The following SNX29 variants were observed in gnomAD, a reference collection of about 807,000 sequenced individuals.
The protein encoded by SNX29 is sorting nexin-29.
SNX29 carries 78 observed loss-of-function variants against 102.1 expected under a neutral mutation model. That is an observed-to-expected ratio of 0.76 (90% confidence interval 0.64 to 0.92). The LOEUF (loss-of-function observed/expected upper bound fraction) is 0.92, where lower values mean the gene tolerates loss of function less well. Among genes scored for constraint, SNX29 ranks in the 40% least tolerant of loss-of-function variants. The pLI is 0.00. For missense variants in SNX29, 1,280 were observed against 1,061.7 expected, an observed-to-expected ratio of 1.21 and a Z score of -2.86; for synonymous variants, 580 against 414.5, an observed-to-expected ratio of 1.40 and a Z score of -4.85.
intron 16 of SNX29, among the ~76,000 whole-genome samples, chr16:12,362,461 T>C (rs1243260252): frequency 6.6e-6 from 1 of 151,680 alleles, no homozygotes; most frequent in Non-Finnish European, 1.5e-5. Flanking sequence ...GGTCACGATG[T>C]AGTTCCAACA....
intron 1 of SNX29, among the ~76,000 whole-genome samples, chr16:11,981,154 G>C (rs2055404861): frequency 6.6e-6 from 1 of 152,018 alleles, no homozygotes; most frequent in Non-Finnish European, 1.5e-5. Context: ...TGTTTCAGTA[G>C]AGATGGGGTT....
At chr16:12,554,051 C>G (rs184686451) in intron 20 of SNX29, among the ~76,000 whole-genome samples, 1 of 152,214 alleles carries the variant, frequency 6.6e-6, no homozygotes, top group Non-Finnish European at 1.5e-5. Context: ...GTCTGTAAAT[C>G]CTGACCTCAA....
intron 20 of SNX29, among the ~76,000 whole-genome samples, chr16:12,533,312 C>T (rs8061662): frequency 0.064 from 9,761 of 152,284 alleles, 405 homozygotes; most frequent in African/African-American, 0.11. Flanking sequence ...AGTCACTGTT[C>T]GTGGGCTGGT....
At chr16:12,159,644 G>A (rs2055698930) in intron 13 of SNX29, among the ~76,000 whole-genome samples, 1 of 152,140 alleles carries the variant, frequency 6.6e-6, no homozygotes, top group South Asian at 2.1e-4. Flanking sequence ...AGAATCACTT[G>A]AGCCCAGAAG....
intron 15 of SNX29, among the ~76,000 whole-genome samples, chr16:12,329,893 G>A (rs1353278757): frequency 6.6e-6 from 1 of 152,082 alleles, no homozygotes; most frequent in Non-Finnish European, 1.5e-5. Flanking sequence ...GGACTAAGAC[G>A]CGTTAACAGT....
chr16:12,111,470 A>G (rs1360418831), intron 11 of SNX29, among the ~76,000 whole-genome samples: 1 of 152,144 alleles, frequency 6.6e-6, no homozygotes, highest in African/African-American at 2.4e-5. Context: ...GACTTGAGGC[A>G]GGCTCCTCCT....
chr16:12,354,571 T>C (rs1207616151), intron 15 of SNX29, among the ~76,000 whole-genome samples: 1 of 152,212 alleles, frequency 6.6e-6, no homozygotes, highest in Non-Finnish European at 1.5e-5. Context: ...GGCAGTGGCA[T>C]TTATTTAAGG....
At chr16:12,192,355 C>T (rs186924508) in intron 13 of SNX29, among the ~76,000 whole-genome samples, 111 of 152,276 alleles carry the variant, frequency 7.3e-4, no homozygotes, top group Non-Finnish European at 1.4e-3. Context: ...TCCATGTGCA[C>T]GGCTACCTCT....
intron 19 of SNX29, among the ~76,000 whole-genome samples, chr16:12,512,900 C>T (rs574406985): frequency 2.6e-5 from 4 of 152,262 alleles, no homozygotes; most frequent in Admixed American, 2.6e-4. Context: ...CTCCCTCCTT[C>T]CCAGTCCGTC....
intron 18 of SNX29, among the ~76,000 whole-genome samples, chr16:12,437,168 G>A (rs1014012239): frequency 1.3e-5 from 2 of 152,244 alleles, no homozygotes; most frequent in Admixed American, 1.3e-4. Flanking sequence ...TAATTTTTCA[G>A]GGTAGCCCAA....
intron 14 of SNX29, among the ~76,000 whole-genome samples, chr16:12,236,165 T>G (rs1489072407): frequency 6.6e-6 from 1 of 152,168 alleles, no homozygotes; most frequent in Non-Finnish European, 1.5e-5. Context: ...GACATAAATC[T>G]CATCAAATAC....
chr16:12,179,368 C>T (rs1268503799), intron 13 of SNX29, among the ~76,000 whole-genome samples: 1 of 152,172 alleles, frequency 6.6e-6, no homozygotes, highest in East Asian at 1.9e-4. Context: ...ACCTGTAGGC[C>T]TAGCTACTCG....
At chr16:12,354,695 G>A (rs1278469076) in intron 15 of SNX29, among the ~76,000 whole-genome samples, 1 of 152,172 alleles carries the variant, frequency 6.6e-6, no homozygotes, top group Non-Finnish European at 1.5e-5. Context: ...CTCGTGGGGG[G>A]TTTATGTGAT....
At chr16:12,013,206 G>C (rs377592268) in intron 3 of SNX29, among the ~76,000 whole-genome samples, 1 of 151,624 alleles carries the variant, frequency 6.6e-6, no homozygotes, top group East Asian at 1.9e-4. Context: ...GCATAAAACA[G>C]CAAAGCCAAA....
chr16:12,476,282 C>G (rs1376089767), intron 18 of SNX29, among the ~76,000 whole-genome samples: 2 of 140,300 alleles, frequency 1.4e-5, no homozygotes, highest in Non-Finnish European at 3.1e-5. Flanking sequence ...CCACTGCCCT[C>G]CAGCCTGGGC....
At chr16:12,540,323 A>C (rs953198419) in intron 20 of SNX29, among the ~76,000 whole-genome samples, 2 of 152,152 alleles carry the variant, frequency 1.3e-5, no homozygotes, top group African/African-American at 4.8e-5. Flanking sequence ...TTGGGACCAC[A>C]GCTCTTATGA....
intron 11 of SNX29, among the ~76,000 whole-genome samples, chr16:12,117,495 G>T (rs2053782925): frequency 6.6e-6 from 1 of 152,186 alleles, no homozygotes; most frequent in Non-Finnish European, 1.5e-5. Context: ...AGTCAAAGGA[G>T]CCAGGCAAAA....
At chr16:12,064,476 C>G (rs1004233847) in intron 9 of SNX29, among the ~76,000 whole-genome samples, 3 of 152,198 alleles carry the variant, frequency 2.0e-5, no homozygotes, top group South Asian at 2.1e-4. Context: ...CAGCTGATGT[C>G]GAATGCACTC....
intron 1 of SNX29, among the ~76,000 whole-genome samples, chr16:11,990,957 T>A (rs2055825095): frequency 6.6e-6 from 1 of 152,246 alleles, no homozygotes; most frequent in Non-Finnish European, 1.5e-5. Flanking sequence ...TATCTATGGC[T>A]GTTGTTCACA....
Sources: gnomAD v4.1 joint callset for allele counts (sites outside exome capture counted in the v4.1 genomes callset) on GRCh38, gnomAD v4.1.1 for gene constraint, MANE v1.5 for transcripts, NCBI Gene and HGNC (gene_info 2026-07-23, HGNC 2026-07-21) for gene names.